Variants in PSMA6 observed in about 807,000 individuals in gnomAD.
The protein encoded by PSMA6 is proteasome subunit alpha type-6.
For synonymous variants in PSMA6, 88 were observed against 97.7 expected, an observed-to-expected ratio of 0.90 and a Z score of 0.59; for missense variants, 170 against 294.8, an observed-to-expected ratio of 0.58 and a Z score of 3.10.
rs961585634 is a variant in PSMA6 at position 35,317,418 on chromosome 14, C to G, written c.*112C>G. 2 of 918,692 alleles carry G rather than the reference C, an allele frequency of 2.2e-6. No homozygotes were observed. Among genetic ancestry groups the G allele is most frequent in the Non-Finnish European group, 3.5e-6 (2 of 571,632 alleles). The allele number at this position is 918,692 out of a possible 1,614,324, so 56.9% of individuals were successfully genotyped here. A position where few individuals can be genotyped will look rare whatever the true frequency, so the allele number is the denominator to read the frequency against. ...GAAAAAGGAGCCTCTCCCACTCCTC[C>G]TACCACCGAAGTGGTTAGGACTCTA... On this transcript the variant is annotated 3_prime_UTR_variant, in exon 7 of 7. Coordinates refer to ENST00000261479, the MANE Select transcript of PSMA6 (RefSeq NM_002791.3).
At chr14:35,305,309 AT>A (rs1389189936) in intron 1 of PSMA6, among the ~76,000 whole-genome samples, 1 of 151,518 alleles carries the variant, frequency 6.6e-6, no homozygotes, top group Non-Finnish European at 1.5e-5. Flanking sequence ...CCTAGCTAAC[AT>A]TTTTTTGTAG....
chr14:35,310,190 CCTTT>C, intron 3 of PSMA6: 1 of 333,216 alleles, frequency 3.0e-6, no homozygotes, highest in South Asian at 1.8e-5. Flanking sequence ...TCTCTCAAGG[CCTTT>C]TTTTTTTTTT....
chr14:35,288,409 A>G (rs762448173), upstream of PSMA6, among the ~76,000 whole-genome samples: 6 of 152,176 alleles, frequency 3.9e-5, no homozygotes, highest in Non-Finnish European at 8.8e-5. Flanking sequence ...GAGGCACAAG[A>G]ATCACTTGAA....
At chr14:35,279,125 G>A (rs1295904196) in intron 1 of PSMA6, among the ~76,000 whole-genome samples, 3 of 152,108 alleles carry the variant, frequency 2.0e-5, no homozygotes, top group Non-Finnish European at 4.4e-5. Flanking sequence ...TCGGCTCACT[G>A]CAACCTCCGC....
rs1322870765 is a variant in PSMA6, at chr14:35,314,454, A to G, written c.682A>G (p.Arg228Gly). ...GVVTVENPKF[R>G]ILTEAEIDAH... ...AGTGACAGTTGAAAATCCTAAATTC[A>G]GGTGAGTGATATTGTGGGCCACATG... The change falls in exon 6 of 7, where the codon AGG (arginine) becomes GGG (glycine). Residue 228 changes from arginine to glycine, a missense_variant and splice_region_variant. Arg to Gly is a moderately radical substitution (Grantham distance 125). Transcript: ENST00000261479. 6.8e-6 allele frequency: 11 copies of G among 1,609,336 alleles called. No individual in the cohort carries two copies. The highest frequency in any genetic ancestry group is 2.2e-5 in the South Asian group (2 of 90,476).
intron 1 of PSMA6, among the ~76,000 whole-genome samples, chr14:35,301,238 T>C (rs1035198368): frequency 6.6e-6 from 1 of 152,056 alleles, no homozygotes; most frequent in Admixed American, 6.6e-5. Context: ...AGCGCAGTGG[T>C]TCACACCTAT....
chr14:35,308,880 T>C, intron 2 of PSMA6, 34 bp from the exon 3 acceptor site: 1 of 1,494,528 alleles, frequency 6.7e-7, no homozygotes. Flanking sequence ...TGTATGTTTT[T>C]TAAAAAATTA....
upstream of PSMA6, chr14:35,292,200 C>G (rs2051493632): frequency 2.5e-6 from 2 of 808,252 alleles, no homozygotes; most frequent in Admixed American, 4.3e-5. Context: ...GAAAGCGCCA[C>G]GACCCAAGTT....
At chr14:35,283,320 A>G (rs2051386845) in intron 1 of PSMA6, among the ~76,000 whole-genome samples, 2 of 149,996 alleles carry the variant, frequency 1.3e-5, no homozygotes, top group African/African-American at 2.5e-5. Context: ...TGAGCCCAGG[A>G]GTACGAGACC....
chr14:35,281,087 C>T (rs1409010755), intron 1 of PSMA6, among the ~76,000 whole-genome samples: 1 of 152,144 alleles, frequency 6.6e-6, no homozygotes, highest in Non-Finnish European at 1.5e-5. Context: ...CTCTATTGAC[C>T]TTTCCCATCT....
rs185656939 is a variant in PSMA6, at chr14:35,314,557, T to C, written c.683+102T>C. 79 of 1,331,908 alleles carry C rather than the reference T, an allele frequency of 5.9e-5. No homozygotes were observed. The African/African-American group carries it at 1.0e-3, about 18-fold the overall frequency. 82.5% of individuals were successfully genotyped at this position (1,331,908 alleles called of 1,614,324 possible). A position where few individuals can be genotyped will look rare whatever the true frequency, so the allele number is the denominator to read the frequency against. ...GAAATCTTTTTTCTTTAACTGTCAT[T>C]ATAGTTTTTGTTTGTGTGTTTGTTT... On this transcript the variant is annotated intron_variant, in intron 6 of 6. Transcript: ENST00000261479.
upstream of PSMA6, among the ~76,000 whole-genome samples, chr14:35,291,019 T>C (rs1566550178): frequency 6.6e-6 from 1 of 151,590 alleles, no homozygotes; most frequent in Non-Finnish European, 1.5e-5. Flanking sequence ...TTTAGATAGA[T>C]CTTCCTCTGT....
chr14:35,314,177 G>A, intron 5 of PSMA6, 184 bp from the exon 6 acceptor site: 1 of 509,510 alleles, frequency 2.0e-6, no homozygotes, highest in Non-Finnish European at 2.9e-6. Flanking sequence ...ATTTGACTTG[G>A]TAGAAAAAAA....
rs959424285 is a variant in PSMA6, at chr14:35,278,662, G to A, written c.-38G>A. ...TCCTAGGCTGGGAGAATGGGATGGAGCCTCCACCTCATGAAGTAGCTTCCT... is the reference window on the plus strand; with the variant it reads ...TCCTAGGCTGGGAGAATGGGATGGAACCTCCACCTCATGAAGTAGCTTCCT... On this transcript the variant is annotated 5_prime_UTR_variant, in exon 1 of 7. Transcript: ENST00000540871. The A allele has an allele frequency of 3.9e-6, 6 of 1,534,800 alleles. No homozygotes were observed. The African/African-American group carries it at 5.5e-5, about 14-fold the overall frequency.
At chr14:35,292,344 T>A (rs2051497570), upstream of PSMA6, 2 of 1,513,768 alleles carry the variant, frequency 1.3e-6, no homozygotes, top group Admixed American at 4.5e-5. Flanking sequence ...AGCCGTGAGT[T>A]CGGCATGCAA....
At chr14:35,300,546 A>G (rs1263426651) in intron 1 of PSMA6, among the ~76,000 whole-genome samples, 1 of 152,194 alleles carries the variant, frequency 6.6e-6, no homozygotes, top group Non-Finnish European at 1.5e-5. Context: ...AGTAATTCAT[A>G]TAAACCCTAA....
At chr14:35,309,589 C>T (rs1008673959) in intron 3 of PSMA6, among the ~76,000 whole-genome samples, 3 of 152,072 alleles carry the variant, frequency 2.0e-5, no homozygotes, top group Admixed American at 6.6e-5. Flanking sequence ...GTCAGGAATT[C>T]GAGATCAGCC....
At position 35,292,403 on chromosome 14, in the gene PSMA6, C is replaced by A. The variant is rs1048055160; in HGVS notation, c.-74C>A. The A allele has an allele frequency of 6.4e-7, 1 of 1,555,334 alleles. No homozygotes were observed. Among genetic ancestry groups the A allele is most frequent in the East Asian group, 2.3e-5 (1 of 42,784 alleles). On this transcript the variant is annotated 5_prime_UTR_variant, in exon 1 of 7. Transcript: ENST00000261479. ...CCCCGGAAGCAGTCGCTGCAACTTC[C>A]GGGAGGTGCTTGTGTGCCTGGTGCG...
chr14:35,310,598 G>T, intron 3 of PSMA6, 142 bp from the exon 4 acceptor site: 1 of 752,070 alleles, frequency 1.3e-6, no homozygotes. Flanking sequence ...AGTATTCATT[G>T]GGGGAGAAAA....
Sources: gnomAD v4.1 joint callset for allele counts (sites outside exome capture counted in the v4.1 genomes callset) on GRCh38, gnomAD v4.1.1 for gene constraint, MANE v1.5 for transcripts, NCBI Gene and HGNC (gene_info 2026-07-23, HGNC 2026-07-21) for gene names.